Variants in ZMYM2 observed in about 807,000 individuals in gnomAD.
ZMYM2 encodes the protein zinc finger MYM-type containing 2.
A neutral mutation model predicts 162.8 loss-of-function variants in ZMYM2; 56 were observed. The observed-to-expected ratio is 0.34, with a 90% CI of 0.28 to 0.43. The LOEUF is 0.43. Ranked by LOEUF, ZMYM2 falls within the 20% of genes least tolerant of loss-of-function variation. The pLI is 1.00. For synonymous variants in ZMYM2, 510 were observed against 541.6 expected (o/e 0.94, Z 0.81); for missense variants, 1,275 against 1,621.8 (o/e 0.79, Z 3.67).
the ZMYM2 span, among the ~76,000 whole-genome samples, chr13:19,921,376 G>A: frequency 6.6e-6 from 1 of 152,114 alleles, no homozygotes; most frequent in Non-Finnish European, 1.5e-5. Flanking sequence ...CTGACCTCAA[G>A]TGATCTGCCT....
intron 12 of ZMYM2, among the ~76,000 whole-genome samples, chr13:20,048,784 T>C (rs981085800): frequency 7.0e-6 from 1 of 142,874 alleles, no homozygotes; most frequent in South Asian, 2.3e-4. Flanking sequence ...GTTACTTAGA[T>C]TTGTTTGAAC....
the ZMYM2 span, among the ~76,000 whole-genome samples, chr13:19,917,063 C>T: frequency 0.021 from 3,141 of 152,136 alleles, 58 homozygotes; most frequent in Non-Finnish European, 0.033. Flanking sequence ...CCCGGGTTCA[C>T]GCCATTCTCT....
At chr13:19,898,921 A>G in the ZMYM2 span, among the ~76,000 whole-genome samples, 1 of 150,754 alleles carries the variant, frequency 6.6e-6, no homozygotes, top group Non-Finnish European at 1.5e-5. Flanking sequence ...TGACAGAGCA[A>G]GACCCCACTT....
At position 19,968,995 on chromosome 13, in the gene ZMYM2, T is replaced by C. The variant is rs1423421136; in HGVS notation, c.-11+8969T>C. On this transcript the variant is annotated intron_variant, in intron 2 of 24. Coordinates refer to ENST00000610343, the MANE Select transcript of ZMYM2 (RefSeq NM_197968.4). The stretch of plus-strand genomic sequence containing the variant: ...ATCACAAAGGACACTTCTTAAAGAA[T>C]ATTTTGGTTATAAAAACAAAACATT... 3.3e-5 allele frequency among the ~76,000 whole-genome samples: 5 copies of C among 152,350 alleles called. No homozygotes were observed. In the East Asian group the frequency reaches 9.6e-4, roughly 29 times the overall value.
At chr13:19,888,374 A>C in the ZMYM2 span, among the ~76,000 whole-genome samples, 1 of 151,404 alleles carries the variant, frequency 6.6e-6, no homozygotes, top group African/African-American at 2.4e-5. Context: ...TTTCTGATAG[A>C]GACTGGGTCT....
chr13:19,906,887 C>A, the ZMYM2 span, among the ~76,000 whole-genome samples: 2 of 152,032 alleles, frequency 1.3e-5, no homozygotes, highest in Non-Finnish European at 2.9e-5. Flanking sequence ...TGTTTCTCTG[C>A]AATTTTGTAT....
At chr13:19,931,578 C>G in the ZMYM2 span, among the ~76,000 whole-genome samples, 1 of 152,110 alleles carries the variant, frequency 6.6e-6, no homozygotes, top group Non-Finnish European at 1.5e-5. Context: ...CAGTATATTT[C>G]TTTTTCAGAT....
At chr13:20,019,498 C>T (rs1225352051) in intron 6 of ZMYM2, 49 bp from the exon 7 acceptor site, 2 of 1,437,800 alleles carry the variant, frequency 1.4e-6, no homozygotes, top group African/African-American at 1.4e-5. Context: ...TTCAATGTAG[C>T]AGCTATTCTT....
At chr13:20,021,902 T>A (rs902303705) in intron 7 of ZMYM2, among the ~76,000 whole-genome samples, 6 of 152,186 alleles carry the variant, frequency 3.9e-5, no homozygotes, top group African/African-American at 1.2e-4. Flanking sequence ...TTTGTGCAGC[T>A]CCATCATCAT....
chr13:20,027,721 T>C (rs968871942), intron 9 of ZMYM2, among the ~76,000 whole-genome samples: 2 of 152,142 alleles, frequency 1.3e-5, no homozygotes, highest in African/African-American at 2.4e-5. Flanking sequence ...AAATGGACCA[T>C]GTAAAGAGGG....
the ZMYM2 span, among the ~76,000 whole-genome samples, chr13:19,905,791 A>C: frequency 1.3e-5 from 2 of 152,072 alleles, no homozygotes; most frequent in African/African-American, 4.8e-5. Flanking sequence ...TGAGTAACAA[A>C]CTATCTTTTT....
the ZMYM2 span, among the ~76,000 whole-genome samples, chr13:19,895,025 C>T: frequency 7.7e-6 from 1 of 130,012 alleles, no homozygotes; most frequent in Non-Finnish European, 1.5e-5. Flanking sequence ...TGCAGTGAGC[C>T]GAGATCTTGC....
intron 2 of ZMYM2, among the ~76,000 whole-genome samples, chr13:19,969,168 T>C (rs1429530714): frequency 6.6e-6 from 1 of 152,220 alleles, no homozygotes; most frequent in East Asian, 1.9e-4. Flanking sequence ...ATAATTTGCA[T>C]ATATACTGTT....
chr13:19,882,698 G>C, the ZMYM2 span, among the ~76,000 whole-genome samples: 2 of 152,106 alleles, frequency 1.3e-5, no homozygotes, highest in East Asian at 3.9e-4. Flanking sequence ...AGTGAGCTGT[G>C]ATTGTACCAC....
chr13:19,974,723 G>C lies in ZMYM2; in HGVS notation c.-11+14697G>C, dbSNP rs1413786339. On this transcript the variant is annotated intron_variant, in intron 2 of 24. Transcript: ENST00000610343. Reference sequence around the variant, plus strand: ...CTGACCTCGTGATCCACCCACCTCAGCCTCCCGAAGTGCTGGGATTACAGG... The same window carrying C: ...CTGACCTCGTGATCCACCCACCTCACCCTCCCGAAGTGCTGGGATTACAGG... Among the ~76,000 whole-genome samples the C allele has an allele frequency of 7.9e-5, 12 of 152,108 alleles. 1 individual carries two copies. Among genetic ancestry groups the C allele is most frequent in the Admixed American group, 7.9e-4 (12 of 15,266 alleles).
chr13:19,925,561 G>A, the ZMYM2 span, among the ~76,000 whole-genome samples: 12 of 151,540 alleles, frequency 7.9e-5, no homozygotes, highest in South Asian at 4.2e-4. Context: ...TATTCTTCTC[G>A]TCCCATTTTT....
At chr13:19,906,918 G>T in the ZMYM2 span, among the ~76,000 whole-genome samples, 9 of 152,026 alleles carry the variant, frequency 5.9e-5, no homozygotes, top group African/African-American at 2.2e-4. Flanking sequence ...AAGGGATGGG[G>T]TCTCATTATG....
chr13:20,082,251 C>G, intron 22 of ZMYM2, 121 bp downstream of exon 22: 2 of 752,242 alleles, frequency 2.7e-6, no homozygotes, highest in South Asian at 1.9e-5. Context: ...TGAACACTTA[C>G]TCGAGCTCAT....
In ZMYM2 at chr13:20,087,841, A is replaced by G. The variant is rs745307926; in HGVS notation, c.*1827A>G. 3 of 186,754 alleles carry G rather than the reference A, an allele frequency of 1.6e-5. No homozygotes were observed. Among genetic ancestry groups the G allele is most frequent in the African/African-American group, 7.0e-5 (3 of 42,782 alleles). 11.6% of individuals were successfully genotyped at this position (186,754 alleles called of 1,614,324 possible). On this transcript the variant is annotated 3_prime_UTR_variant, in exon 25 of 25. Transcript: ENST00000610343. The stretch of plus-strand genomic sequence containing the variant: ...AAGTGGGTAACATTTAAAATATATA[A>G]TACAAAAATTTTCTCTAACTTACCT...
Sources: allele counts gnomAD v4.1 joint callset (sites outside exome capture counted in the v4.1 genomes callset), GRCh38; gene constraint gnomAD v4.1.1; transcripts MANE v1.5; gene names NCBI Gene and HGNC (gene_info 2026-07-23, HGNC 2026-07-21).